Variants in CYSTM1 observed in about 807,000 individuals in gnomAD.
CYSTM1 encodes the protein cysteine rich transmembrane module containing 1.
Under a neutral mutation model 13.1 loss-of-function variants are expected in CYSTM1, and 4 were observed. The observed-to-expected ratio is 0.31, with a 90% confidence interval of 0.15 to 0.70. CYSTM1 has a LOEUF of 0.70. Ranked by LOEUF, CYSTM1 falls within the 30% of genes least tolerant of loss-of-function variation. The pLI is 0.72. For missense variants in CYSTM1, 96 were observed against 121.6 expected, an observed-to-expected ratio of 0.79 and a Z score of 0.99; for synonymous variants, 36 against 42.7, an observed-to-expected ratio of 0.84 and a Z score of 0.62.
At chr5:140,242,774 C>T (rs1261779577) in intron 2 of CYSTM1, among the ~76,000 whole-genome samples, 1 of 152,202 alleles carries the variant, frequency 6.6e-6, no homozygotes, top group African/African-American at 2.4e-5. Context: ...TTCATCCCTG[C>T]CTTCCTTCAT....
At chr5:140,193,464 A>C (rs1764116174) in intron 1 of CYSTM1, among the ~76,000 whole-genome samples, 1 of 152,156 alleles carries the variant, frequency 6.6e-6, no homozygotes, top group African/African-American at 2.4e-5. Context: ...TTGTATTTTT[A>C]GTAGAGACGG....
chr5:140,243,327 A>G lies in CYSTM1; in HGVS notation c.210A>G (p.Arg70=), dbSNP rs781282798. The part of the protein sequence containing the change: ...KTTVYVVEDQ[R]RDELGPSTCL... ...CAGTGTATGTGGTAGAAGACCAAAG[A>G]AGAGATGAGCTAGGACCATCCACCT... The change falls in exon 3 of 3, where the codon AGA becomes AGG. Residue 70 remains arginine, a synonymous_variant. Coordinates refer to ENST00000261811, the MANE Select transcript of CYSTM1 (RefSeq NM_032412.4). 6.8e-6 allele frequency: 11 copies of G among 1,614,104 alleles called. No individual in the cohort carries two copies. The South Asian group carries it at 1.1e-4, about 16-fold the overall frequency.
At chr5:140,212,843 T>C (rs1351453445) in intron 2 of CYSTM1, among the ~76,000 whole-genome samples, 1 of 151,608 alleles carries the variant, frequency 6.6e-6, no homozygotes, top group East Asian at 1.9e-4. Flanking sequence ...GATACACGCC[T>C]GTAATCCCAG....
In CYSTM1 at chr5:140,194,375, T is replaced by C. The variant is rs996155065; in HGVS notation, c.-20-71T>C. 1.1e-5 allele frequency: 15 copies of C among 1,378,158 alleles called. No homozygotes were observed. In the Admixed American group the frequency reaches 2.1e-4, roughly 20 times the overall value. 85.4% of individuals were successfully genotyped at this position (1,378,158 alleles called of 1,614,324 possible). On this transcript the variant is annotated intron_variant, in intron 1 of 2. Coordinates refer to ENST00000261811, the MANE Select transcript of CYSTM1 (RefSeq NM_032412.4). Reference sequence around the variant, plus strand: ...TGAAGGTATTTTGTAAATGATCTTATGGGTTAGGATTTTATTCCTGATGAT... The same window carrying C: ...TGAAGGTATTTTGTAAATGATCTTACGGGTTAGGATTTTATTCCTGATGAT...
At chr5:140,179,970 C>CT (rs1763944824) in intron 1 of CYSTM1, among the ~76,000 whole-genome samples, 1 of 152,120 alleles carries the variant, frequency 6.6e-6, no homozygotes, top group African/African-American at 2.4e-5. Context: ...GCCTCACTCT[C>CT]TTTTTTCTTT....
At chr5:140,178,051 A>T (rs1474795136) in intron 1 of CYSTM1, among the ~76,000 whole-genome samples, 1 of 152,206 alleles carries the variant, frequency 6.6e-6, no homozygotes, top group Non-Finnish European at 1.5e-5. Flanking sequence ...CTGTCAGGAA[A>T]AAAATGTTAG....
intron 1 of CYSTM1, among the ~76,000 whole-genome samples, chr5:140,178,609 T>A (rs1057196874): frequency 1.8e-4 from 28 of 151,724 alleles, no homozygotes; most frequent in Admixed American, 1.6e-3. Flanking sequence ...TTGGTTTTTT[T>A]AATTTTTTTG....
At chr5:140,221,830 A>G (rs1317140268) in intron 2 of CYSTM1, among the ~76,000 whole-genome samples, 3 of 152,270 alleles carry the variant, frequency 2.0e-5, no homozygotes, top group Admixed American at 6.5e-5. Context: ...AGACTCCAGC[A>G]TAACTATCAC....
chr5:140,215,747 G>T (rs1462505300), intron 2 of CYSTM1, among the ~76,000 whole-genome samples: 1 of 152,014 alleles, frequency 6.6e-6, no homozygotes, highest in Non-Finnish European at 1.5e-5. Context: ...CTAATATAAT[G>T]CTACATAAAA....
chr5:140,226,226 G>C (rs1321152604), intron 2 of CYSTM1, among the ~76,000 whole-genome samples: 3 of 151,918 alleles, frequency 2.0e-5, no homozygotes, highest in African/African-American at 7.3e-5. Flanking sequence ...TATTATTCCT[G>C]TTTTATAGCA....
chr5:140,177,315 G>A (rs1300291913), intron 1 of CYSTM1, among the ~76,000 whole-genome samples: 2 of 151,954 alleles, frequency 1.3e-5, no homozygotes, highest in African/African-American at 4.8e-5. Context: ...TTTTTGAGGC[G>A]GAGTCTTGCT....
intron 1 of CYSTM1, among the ~76,000 whole-genome samples, chr5:140,188,148 T>C (rs1045933091): frequency 6.7e-6 from 1 of 150,274 alleles, no homozygotes; most frequent in Non-Finnish European, 1.5e-5. Flanking sequence ...TGATCATAGC[T>C]CACTGCAGCT....
At chr5:140,213,231 G>A (rs1033828022) in intron 2 of CYSTM1, among the ~76,000 whole-genome samples, 3 of 150,532 alleles carry the variant, frequency 2.0e-5, no homozygotes, top group African/African-American at 7.3e-5. Context: ...GCTAATGTGT[G>A]GGTTTGTGTC....
intron 2 of CYSTM1, chr5:140,202,534 C>T (rs1404066034): frequency 6.6e-6 from 1 of 152,206 alleles, no homozygotes; most frequent in African/African-American, 2.4e-5. Flanking sequence ...AAGATTGATT[C>T]ATCTCTGCTC....
In CYSTM1 at chr5:140,219,421, G is replaced by A. The variant is rs79750422; in HGVS notation, c.188-23884G>A. 2.9e-3 allele frequency among the ~76,000 whole-genome samples: 444 copies of A among 152,102 alleles called. No individual in the cohort carries two copies. The highest frequency in any genetic ancestry group is 0.014 in the Middle Eastern group (4 of 294). On this transcript the variant is annotated intron_variant, in intron 2 of 2. Transcript: ENST00000261811. This position sits in a 1 kb window ranked among gnomAD's most constrained non-coding sequence, Gnocchi z 4.1. ...GTGCTGCAGGTAGTAGAGGGGAGGG[G>A]TGGGAGACAGTCCTTACAAGTGAGG...
At chr5:140,198,904 G>A (rs1764185511) in intron 2 of CYSTM1, among the ~76,000 whole-genome samples, 1 of 152,106 alleles carries the variant, frequency 6.6e-6, no homozygotes, top group Non-Finnish European at 1.5e-5. Context: ...ATGGTGGTTT[G>A]CTGCACCCGT....
intron 2 of CYSTM1, among the ~76,000 whole-genome samples, chr5:140,235,199 C>T (rs1029308425): frequency 2.0e-5 from 3 of 151,712 alleles, no homozygotes; most frequent in Non-Finnish European, 4.4e-5. Flanking sequence ...AACTCCTGAC[C>T]TCAGGTTATC....
chr5:140,199,474 T>C lies in CYSTM1; in HGVS notation c.187+4822T>C, dbSNP rs150624682. 9.3e-3 allele frequency among the ~76,000 whole-genome samples: 1,420 copies of C among 152,238 alleles called. 23 individuals carry two copies. Among genetic ancestry groups the C allele is most frequent in the African/African-American group, 0.032 (1,336 of 41,532 alleles). On this transcript the variant is annotated intron_variant, in intron 2 of 2. Transcript: ENST00000261811. ...CACATCCTCTCCAGCATCTATTGTT[T>C]CCTGACTTTTTATTGTTTTTGTTTT...
chr5:140,197,189 A>G (rs1031878528), intron 2 of CYSTM1, among the ~76,000 whole-genome samples: 1 of 152,226 alleles, frequency 6.6e-6, no homozygotes, highest in Non-Finnish European at 1.5e-5. Flanking sequence ...TTTGTTTAGA[A>G]TAAGTGCTTC....
Sources: gnomAD v4.1 joint callset for allele counts (sites outside exome capture counted in the v4.1 genomes callset) on GRCh38, gnomAD v4.1.1 for gene constraint, Gnocchi (gnomAD v3.1) non-coding constraint, MANE v1.5 for transcripts, NCBI Gene and HGNC (gene_info 2026-07-23, HGNC 2026-07-21) for gene names.